WWOX: variants seen among roughly 807,000 people sequenced by gnomAD.
WWOX encodes WW domain-containing oxidoreductase.
In WWOX, 69 loss-of-function variants were observed where a neutral mutation model predicts 46.2. That is an observed-to-expected ratio of 1.49 (90% CI 1.23 to 1.82). The LOEUF (loss-of-function observed/expected upper bound fraction) is 1.82, where lower values mean the gene tolerates loss of function less well. WWOX is among the 40% of genes most tolerant of loss of function. The pLI is 0.00. For synonymous variants in WWOX, 359 were observed against 202.6 expected, an observed-to-expected ratio of 1.77 and a Z score of -6.56; for missense variants, 919 against 542.6, an observed-to-expected ratio of 1.69 and a Z score of -6.89.
intron 8 of WWOX, chr16:78,898,022 T>C (rs1431576791): frequency 6.6e-6 from 1 of 152,154 alleles, no homozygotes; most frequent in Non-Finnish European, 1.5e-5. Flanking sequence ...GTCTTTTTAA[T>C]ATTGAATTAT....
chr16:78,473,919 G>A (rs1271180500), intron 8 of WWOX, among the ~76,000 whole-genome samples: 1 of 152,190 alleles, frequency 6.6e-6, no homozygotes, highest in Admixed American at 6.5e-5. Flanking sequence ...GGGATGATGA[G>A]AAAGTGGCCT....
At chr16:79,178,913 G>C (rs906484346) in intron 8 of WWOX, among the ~76,000 whole-genome samples, 2 of 152,160 alleles carry the variant, frequency 1.3e-5, no homozygotes, top group Non-Finnish European at 2.9e-5. Flanking sequence ...TGTTTAGTTA[G>C]AAGACTGAGT....
At chr16:78,429,759 G>A (rs2083174561) in intron 7 of WWOX, among the ~76,000 whole-genome samples, 1 of 152,182 alleles carries the variant, frequency 6.6e-6, no homozygotes, top group Middle Eastern at 3.4e-3. Flanking sequence ...TAACTTACAT[G>A]CACAAATATA....
intron 5 of WWOX, among the ~76,000 whole-genome samples, chr16:78,211,572 T>TGCTGCA (rs1463356736): frequency 6.6e-6 from 1 of 152,178 alleles, no homozygotes; most frequent in Admixed American, 6.5e-5. Context: ...CTGCTGCTGC[T>TGCTGCA]GCTGCATTGT....
rs114509940 is a variant in WWOX, at chr16:78,872,315, T to C, written c.1057-339293T>C. Among the ~76,000 whole-genome samples, 918 of 152,258 alleles carry C rather than the reference T, an allele frequency of 6.0e-3. 6 individuals are homozygous for C. The highest frequency in any genetic ancestry group is 0.021 in the African/African-American group (863 of 41,538). On this transcript the variant is annotated intron_variant, in intron 8 of 8. Transcript: ENST00000566780. ...CATAAGAAAGATGGGCATAAGGAAATAATGTAGGGAAAACACTTGTTGCAG... is the reference window on the plus strand; with the variant it reads ...CATAAGAAAGATGGGCATAAGGAAACAATGTAGGGAAAACACTTGTTGCAG...
In WWOX at chr16:78,608,361, A is replaced by T. The variant is rs2151626955; in HGVS notation, c.1056+175609A>T. ...TTTCAAAGCCCTTACCATTTATGAA[A>T]CCAGATTGCAAGTCTGTTTGAATCC... On this transcript the variant is annotated intron_variant, in intron 8 of 8. Transcript: ENST00000566780. Among the ~76,000 whole-genome samples the T allele has an allele frequency of 1.3e-5, 2 of 152,316 alleles. 1 individual carries two copies. The highest frequency in any genetic ancestry group is 3.9e-4 in the East Asian group (2 of 5,176).
chr16:79,065,075 C>T (rs535768975), intron 8 of WWOX, among the ~76,000 whole-genome samples: 307 of 152,306 alleles, frequency 2.0e-3, no homozygotes, highest in Non-Finnish European at 4.0e-3. Flanking sequence ...CTAGGACTCA[C>T]TCTCCACTTC....
chr16:79,123,264 G>C (rs761405560), intron 8 of WWOX, among the ~76,000 whole-genome samples: 4 of 152,152 alleles, frequency 2.6e-5, no homozygotes, highest in Non-Finnish European at 5.9e-5. Flanking sequence ...GGGGACAGGA[G>C]AGCTGAGCAT....
At chr16:78,123,092 T>C (rs2033176293) in intron 4 of WWOX, among the ~76,000 whole-genome samples, 1 of 152,192 alleles carries the variant, frequency 6.6e-6, no homozygotes, top group African/African-American at 2.4e-5. Context: ...TTTTCTAACA[T>C]ATCTTTTAGG....
intron 8 of WWOX, among the ~76,000 whole-genome samples, chr16:78,793,036 C>CCTTT (rs1291311141): frequency 1.3e-5 from 2 of 152,114 alleles, no homozygotes; most frequent in African/African-American, 4.8e-5. Flanking sequence ...CCCGCTGCCC[C>CCTTT]CTTTCTTTCT....
At chr16:78,785,947 C>G (rs531350530) in intron 8 of WWOX, among the ~76,000 whole-genome samples, 35 of 152,260 alleles carry the variant, frequency 2.3e-4, no homozygotes, top group African/African-American at 8.4e-4. Context: ...CATTCTGTCG[C>G]CCAGGCTGGA....
chr16:78,302,343 A>C (rs1183128204), intron 5 of WWOX, among the ~76,000 whole-genome samples: 1 of 152,130 alleles, frequency 6.6e-6, no homozygotes, highest in Non-Finnish European at 1.5e-5. Flanking sequence ...TAAAAGTTTT[A>C]GGATTAATTA....
intron 8 of WWOX, among the ~76,000 whole-genome samples, chr16:78,695,892 C>G (rs2048088231): frequency 1.3e-5 from 2 of 152,138 alleles, no homozygotes. Flanking sequence ...TGAATTAGAC[C>G]AGGGGTTCTC....
intron 8 of WWOX, among the ~76,000 whole-genome samples, chr16:78,833,422 T>TCCTC (rs2051887392): frequency 6.7e-6 from 1 of 150,268 alleles, no homozygotes; most frequent in African/African-American, 2.5e-5. Flanking sequence ...GGCCCAGCCA[T>TCCTC]CTCCTCCTCC....
In WWOX at chr16:78,700,722, G is replaced by T. The variant is rs185561195; in HGVS notation, c.1056+267970G>T. On this transcript the variant is annotated intron_variant, in intron 8 of 8. Coordinates refer to ENST00000566780, the MANE Select transcript of WWOX (RefSeq NM_016373.4). ...GAGCCTGTGGCCACCTCATAGTCTT[G>T]TTGGCCACAGCCTCTAGAACCAGGG... Among the ~76,000 whole-genome samples the T allele has an allele frequency of 3.3e-5, 5 of 152,238 alleles. No individual in the cohort carries two copies. The East Asian group carries it at 7.8e-4, about 24-fold the overall frequency.
intron 8 of WWOX, among the ~76,000 whole-genome samples, chr16:79,141,973 G>T (rs1386747844): frequency 6.6e-6 from 1 of 152,226 alleles, no homozygotes; most frequent in Non-Finnish European, 1.5e-5. Flanking sequence ...GCAGGGAGGA[G>T]ATGTCTACAC....
At chr16:78,938,902 G>T (rs539008752) in intron 8 of WWOX, among the ~76,000 whole-genome samples, 1 of 152,314 alleles carries the variant, frequency 6.6e-6, no homozygotes, top group East Asian at 1.9e-4. Flanking sequence ...GTACTGGAGA[G>T]TGGGAGGCCC....
intron 6 of WWOX, among the ~76,000 whole-genome samples, chr16:78,400,411 G>A (rs1010891539): frequency 4.6e-5 from 7 of 152,178 alleles, no homozygotes; most frequent in African/African-American, 1.7e-4. Flanking sequence ...TTGGCTGTGT[G>A]AGGAATCAGC....
intron 4 of WWOX, among the ~76,000 whole-genome samples, chr16:78,137,479 T>C (rs9937449): frequency 0.49 from 74,341 of 151,956 alleles, 18,398 homozygotes; most frequent in African/African-American, 0.58. Flanking sequence ...TGACCGCTTG[T>C]GTTAGTCCAT....
Sources: allele counts gnomAD v4.1 joint callset (sites outside exome capture counted in the v4.1 genomes callset), GRCh38; gene constraint gnomAD v4.1.1; transcripts MANE v1.5; gene names NCBI Gene and HGNC (gene_info 2026-07-23, HGNC 2026-07-21).